The following CCNB3 variants were observed in gnomAD, a reference collection of about 807,000 sequenced individuals.
CCNB3 encodes cyclin B3.
CCNB3 carries 12 observed loss-of-function variants against 68.0 expected under a neutral mutation model. That is an observed-to-expected ratio of 0.18 (90% CI 0.11 to 0.29). The LOEUF (loss-of-function observed/expected upper bound fraction) is 0.29, where lower values mean the gene tolerates loss of function less well. CCNB3 is among the 10% of genes least tolerant of loss of function. CCNB3 has a pLI of 1.00. For synonymous variants in CCNB3, 354 were observed against 388.9 expected (o/e 0.91, Z 1.06); for missense variants, 904 against 993.1 (o/e 0.91, Z 1.21).
chrX:50,214,110 G>A (rs1267904806), intron 1 of CCNB3, among the ~76,000 whole-genome samples: 1 of 110,303 alleles, frequency 9.1e-6, no homozygotes, highest in Non-Finnish European at 1.9e-5. Flanking sequence ...AGTGCCCAAT[G>A]CTGTTAACTA....
chrX:50,294,357 T>TC (rs1192982895), intron 4 of CCNB3, among the ~76,000 whole-genome samples: 1 of 111,431 alleles, frequency 9.0e-6, no homozygotes, highest in African/African-American at 3.3e-5. Flanking sequence ...TGTGTGGAAC[T>TC]CCCCAAAGCC....
chrX:50,227,219 A>G (rs1361805083), intron 1 of CCNB3, among the ~76,000 whole-genome samples: 1 of 82,421 alleles, frequency 1.2e-5, no homozygotes, highest in East Asian at 3.5e-4. Context: ...AAATATATAC[A>G]GAATATATAT....
intron 8 of CCNB3, among the ~76,000 whole-genome samples, chrX:50,338,235 T>G (rs1922953882): frequency 8.9e-6 from 1 of 112,271 alleles, no homozygotes; most frequent in Non-Finnish European, 1.9e-5. Flanking sequence ...ATCACCTCAC[T>G]TCCCAGTCAG....
chrX:50,349,403 G>A (rs1224155001), intron 11 of CCNB3, among the ~76,000 whole-genome samples: 1 of 112,294 alleles, frequency 8.9e-6, no homozygotes, highest in African/African-American at 3.2e-5. Context: ...TTTACACTAA[G>A]GCATTGAAGG....
At chrX:50,279,290 A>G (rs1429109759) in intron 1 of CCNB3, among the ~76,000 whole-genome samples, 1 of 72,476 alleles carries the variant, frequency 1.4e-5, no homozygotes, top group African/African-American at 6.0e-5. Flanking sequence ...ATTCATATAT[A>G]AATATATATG....
chrX:50,320,873 A>G (rs782546774), intron 8 of CCNB3, among the ~76,000 whole-genome samples: 1 of 111,199 alleles, frequency 9.0e-6, no homozygotes, highest in East Asian at 2.8e-4. Context: ...TCTTCATATA[A>G]CAATGGTTAT....
intron 5 of CCNB3, among the ~76,000 whole-genome samples, chrX:50,300,342 C>A (rs1345326126): frequency 3.6e-5 from 4 of 110,935 alleles, no homozygotes; most frequent in Non-Finnish European, 7.6e-5. Flanking sequence ...GTGACAAAAT[C>A]TCTCAGCATT....
chrX:50,334,119 A>G (rs868957522), intron 8 of CCNB3, among the ~76,000 whole-genome samples: 5 of 112,421 alleles, frequency 4.4e-5, no homozygotes, highest in Non-Finnish European at 9.4e-5. Flanking sequence ...GTTTGGCTTC[A>G]ATGACAGCAT....
chrX:50,305,253 C>G (rs372623328), intron 5 of CCNB3, among the ~76,000 whole-genome samples: 47 of 111,806 alleles, frequency 4.2e-4, no homozygotes, highest in Non-Finnish European at 6.8e-4. Flanking sequence ...TTGGAACCAA[C>G]CCAAGTGTCC....
rs764376872 is a variant in CCNB3 at position 50,285,150 on chromosome X, T to G, written c.-14T>G. 7.6e-6 allele frequency: 9 copies of G among 1,177,438 alleles called. No individual in the cohort carries two copies. Among genetic ancestry groups the G allele is most frequent in the Non-Finnish European group, 1.0e-5 (9 of 864,385 alleles). ...AGCCCTGCCTTGGACAAGACGCAGC[T>G]GAATCTCTAAGTGATGCTACTGCCA... On this transcript the variant is annotated 5_prime_UTR_variant, in exon 3 of 13. Transcript: ENST00000376042.
At chrX:50,217,267 G>GTTTTTTTTTTT (rs1220524134) in intron 1 of CCNB3, among the ~76,000 whole-genome samples, 1 of 29,690 alleles carries the variant, frequency 3.4e-5, no homozygotes, top group Admixed American at 7.0e-4. Context: ...CTTCACTCTT[G>GTTTTTTTTTTT]TTTTTTTTTT....
intron 8 of CCNB3, among the ~76,000 whole-genome samples, chrX:50,318,184 GGGT>G (rs1921831077): frequency 9.4e-6 from 1 of 106,484 alleles, no homozygotes; most frequent in Non-Finnish European, 1.9e-5. Context: ...TCTTAAAACT[GGGT>G]ATTGTGATAT....
intron 7 of CCNB3, among the ~76,000 whole-genome samples, chrX:50,313,167 A>T (rs1224885447): frequency 1.5e-4 from 17 of 110,957 alleles, no homozygotes; most frequent in Non-Finnish European, 1.9e-5. Context: ...CATCAATTCC[A>T]AAGTTTCTTC....
intron 5 of CCNB3, among the ~76,000 whole-genome samples, chrX:50,296,300 C>G (rs1415772211): frequency 8.7e-5 from 7 of 80,684 alleles, no homozygotes; most frequent in Non-Finnish European, 1.7e-4. Context: ...CACAACAGTC[C>G]CCAGTGTGTG....
At chrX:50,332,417 G>A (rs1451336971) in intron 8 of CCNB3, among the ~76,000 whole-genome samples, 3 of 111,431 alleles carry the variant, frequency 2.7e-5, no homozygotes, top group Non-Finnish European at 3.8e-5. Context: ...GCCCTACCTC[G>A]GTAACCTGAT....
rs1252400063 is a variant in CCNB3 at position 50,279,626 on chromosome X, A to T, written c.-112-4916A>T. On this transcript the variant is annotated intron_variant, in intron 1 of 12. Transcript: ENST00000376042. ...TGTATATGCATATGTACATTCATCT[A>T]TGTAAATATATGAATATGTACATTC... Among the ~76,000 whole-genome samples the T allele has an allele frequency of 4.0e-5, 3 of 75,025 alleles. No individual in the cohort carries two copies. In the East Asian group the frequency reaches 9.8e-4, roughly 25 times the overall value. The allele number at this position is 75,025 out of a possible 115,157, so 65.2% of individuals were successfully genotyped here.
chrX:50,226,084 T>C (rs1935758915), intron 1 of CCNB3, among the ~76,000 whole-genome samples: 1 of 81,470 alleles, frequency 1.2e-5, no homozygotes, highest in Non-Finnish European at 2.3e-5. Context: ...ATATAGAATA[T>C]ATATGAATAT....
At chrX:50,329,725 T>C (rs1922496192) in intron 8 of CCNB3, among the ~76,000 whole-genome samples, 1 of 112,579 alleles carries the variant, frequency 8.9e-6, no homozygotes, top group Non-Finnish European at 1.9e-5. Context: ...CAGTGGTTGT[T>C]CCTAAGCCTG....
chrX:50,306,964 TACTG>T (rs1275025577), intron 5 of CCNB3, among the ~76,000 whole-genome samples: 2 of 111,776 alleles, frequency 1.8e-5, no homozygotes, highest in Admixed American at 9.6e-5. Context: ...ATCAGAGTAA[TACTG>T]ACCTCATATA....
Sources: allele counts gnomAD v4.1 joint callset (sites outside exome capture counted in the v4.1 genomes callset), GRCh38; gene constraint gnomAD v4.1.1; transcripts MANE v1.5; gene names NCBI Gene and HGNC (gene_info 2026-07-23, HGNC 2026-07-21).